EBF2: variants seen among roughly 807,000 people sequenced by gnomAD.
EBF2 encodes the protein EBF transcription factor 2.
Under a neutral mutation model 72.8 loss-of-function variants are expected in EBF2, and 21 were observed. The observed-to-expected ratio is 0.29, with a 90% CI of 0.20 to 0.42. The LOEUF (loss-of-function observed/expected upper bound fraction) is 0.42. EBF2 is among the 10% of genes least tolerant of loss of function. EBF2 has a pLI of 1.00. For missense variants in EBF2, 637 were observed against 731.2 expected, an observed-to-expected ratio of 0.87 and a Z score of 1.49; for synonymous variants, 299 against 274.2, an observed-to-expected ratio of 1.09 and a Z score of -0.89.
intron 6 of EBF2, among the ~76,000 whole-genome samples, chr8:25,949,193 GC>G (rs1274014555): frequency 1.3e-5 from 2 of 152,134 alleles, no homozygotes; most frequent in Non-Finnish European, 2.9e-5. Flanking sequence ...AAATTGGGGT[GC>G]AGAGAGGTCA....
chr8:25,907,226 C>G (rs891181168), intron 7 of EBF2, among the ~76,000 whole-genome samples: 1 of 151,684 alleles, frequency 6.6e-6, no homozygotes, highest in Non-Finnish European at 1.5e-5. Flanking sequence ...TGAGACCAAC[C>G]TGGGCAACAT....
intron 15 of EBF2, among the ~76,000 whole-genome samples, chr8:25,849,668 C>T (rs1801919592): frequency 7.5e-6 from 1 of 132,724 alleles, no homozygotes; most frequent in South Asian, 2.4e-4. Context: ...TGCCCTCCAT[C>T]CACAATGAGA....
chr8:26,004,047 C>T (rs1256629692), intron 6 of EBF2, among the ~76,000 whole-genome samples: 6 of 150,652 alleles, frequency 4.0e-5, no homozygotes, highest in South Asian at 2.1e-4. Flanking sequence ...TTCTAGGTGT[C>T]GTTTAATTAT....
intron 6 of EBF2, among the ~76,000 whole-genome samples, chr8:25,955,788 T>A (rs1803934739): frequency 7.1e-6 from 1 of 140,998 alleles, no homozygotes; most frequent in South Asian, 2.3e-4. Flanking sequence ...TCATTCTGGC[T>A]TACATTTAAG....
intron 6 of EBF2, among the ~76,000 whole-genome samples, chr8:25,917,745 C>T (rs1803243328): frequency 6.6e-6 from 1 of 152,232 alleles, no homozygotes; most frequent in East Asian, 1.9e-4. Context: ...CTCAGCACCC[C>T]TTCCCCATCC....
intron 10 of EBF2, among the ~76,000 whole-genome samples, chr8:25,863,765 A>G (rs1802253001): frequency 6.6e-6 from 1 of 152,190 alleles, no homozygotes; most frequent in African/African-American, 2.4e-5. Context: ...AACATTAAAT[A>G]TAGAAGTAAA....
At chr8:25,964,121 C>T (rs79195766) in intron 6 of EBF2, among the ~76,000 whole-genome samples, 1,958 of 152,226 alleles carry the variant, frequency 0.013, 43 homozygotes, top group African/African-American at 0.044. Flanking sequence ...TAAAGGTTCT[C>T]TTGCACACCC....
chr8:26,003,616 C>T (rs1263352650), intron 6 of EBF2, among the ~76,000 whole-genome samples: 1 of 152,012 alleles, frequency 6.6e-6, no homozygotes, highest in Admixed American at 6.6e-5. Context: ...AATCTGATGC[C>T]CTAAGAGGCA....
intron 6 of EBF2, among the ~76,000 whole-genome samples, chr8:25,949,205 G>A (rs569822776): frequency 6.6e-6 from 1 of 152,224 alleles, no homozygotes; most frequent in South Asian, 2.1e-4. Context: ...AGAGAGGTCA[G>A]GTAAACTTGC....
At chr8:25,899,232 T>G (rs577467696) in intron 7 of EBF2, among the ~76,000 whole-genome samples, 204 of 148,292 alleles carry the variant, frequency 1.4e-3, no homozygotes, top group African/African-American at 4.6e-3. Context: ...CCTCCGACCC[T>G]CCACAGTTTT....
At chr8:25,864,302 A>G (rs1176299392) in intron 10 of EBF2, among the ~76,000 whole-genome samples, 1 of 152,154 alleles carries the variant, frequency 6.6e-6, no homozygotes, top group Non-Finnish European at 1.5e-5. Context: ...ATTTTTTCTT[A>G]TATTTGCTGA....
At chr8:25,856,890 T>C (rs1243749468) in intron 14 of EBF2, among the ~76,000 whole-genome samples, 1 of 152,256 alleles carries the variant, frequency 6.6e-6, no homozygotes, top group African/African-American at 2.4e-5. Flanking sequence ...CTCCCTTGAA[T>C]AGACCAAATG....
chr8:25,874,424 T>C (rs973142226), intron 10 of EBF2, among the ~76,000 whole-genome samples: 1 of 82,930 alleles, frequency 1.2e-5, no homozygotes. Flanking sequence ...AAAAAAATTG[T>C]TTTTTTGCCA....
At chr8:25,942,071 G>C (rs917496716) in intron 6 of EBF2, among the ~76,000 whole-genome samples, 5 of 152,142 alleles carry the variant, frequency 3.3e-5, no homozygotes, top group African/African-American at 1.2e-4. Flanking sequence ...TGAACACTGG[G>C]GGAAAATTGT....
rs540201371 is a variant in EBF2 at position 25,852,494 on chromosome 8, T to C, written c.1529-1733A>G. On this transcript the variant is annotated intron_variant, in intron 14 of 15. Coordinates refer to ENST00000520164, the MANE Select transcript of EBF2 (RefSeq NM_022659.4). ...ATCATCATTGAAGAGGTTTTTACAATGTGAATGAGGCATTCACACACACTC... is the reference window on the plus strand; with the variant it reads ...ATCATCATTGAAGAGGTTTTTACAACGTGAATGAGGCATTCACACACACTC... Among the ~76,000 whole-genome samples, 9 of 152,294 alleles carry C rather than the reference T, an allele frequency of 5.9e-5. No individual in the cohort carries two copies. In the South Asian group the frequency reaches 1.9e-3, roughly 32 times the overall value.
At chr8:25,957,376 T>C (rs956915598) in intron 6 of EBF2, among the ~76,000 whole-genome samples, 2 of 152,148 alleles carry the variant, frequency 1.3e-5, no homozygotes, top group African/African-American at 2.4e-5. Context: ...AAATGACAAA[T>C]TGACATCTAA....
chr8:25,992,451 G>A (rs966567510), intron 6 of EBF2, among the ~76,000 whole-genome samples: 1 of 151,766 alleles, frequency 6.6e-6, no homozygotes, highest in Admixed American at 6.6e-5. Flanking sequence ...ACTAGGAACT[G>A]CACAACGTGT....
intron 7 of EBF2, among the ~76,000 whole-genome samples, chr8:25,899,877 G>A (rs1228863003): frequency 6.6e-6 from 1 of 152,202 alleles, no homozygotes; most frequent in Non-Finnish European, 1.5e-5. Flanking sequence ...ACGCCAGTCA[G>A]TCCCAACGGG....
chr8:26,019,683 A>G (rs1805174834), intron 6 of EBF2, among the ~76,000 whole-genome samples: 1 of 152,136 alleles, frequency 6.6e-6, no homozygotes. Context: ...GATGGTGACC[A>G]TGCAAACTCA....
Sources: gnomAD v4.1 joint callset for allele counts (sites outside exome capture counted in the v4.1 genomes callset) on GRCh38, gnomAD v4.1.1 for gene constraint, MANE v1.5 for transcripts, NCBI Gene and HGNC (gene_info 2026-07-23, HGNC 2026-07-21) for gene names.